The following BCAS3 variants were observed in gnomAD, a reference collection of about 807,000 sequenced individuals.
BCAS3 encodes the protein BCAS4/BCAS3 fusion.
In BCAS3, 53 loss-of-function variants were observed where a neutral mutation model predicts 116.1. The ratio of observed to expected loss-of-function variants is 0.46; its 90% confidence interval spans 0.37 to 0.57. The LOEUF (loss-of-function observed/expected upper bound fraction) is 0.57. Ranked by LOEUF, BCAS3 falls within the 20% of genes least tolerant of loss-of-function variation. The pLI is 0.00. For synonymous variants in BCAS3, 391 were observed against 408.2 expected, an observed-to-expected ratio of 0.96 and a Z score of 0.51; for missense variants, 917 against 1,165.4, an observed-to-expected ratio of 0.79 and a Z score of 3.10.
At chr17:60,807,524 G>A (rs2048386557) in intron 6 of BCAS3, among the ~76,000 whole-genome samples, 1 of 152,198 alleles carries the variant, frequency 6.6e-6, no homozygotes, top group African/African-American at 2.4e-5. Context: ...GCTCTCGCCT[G>A]TAATCCCAGC....
At chr17:61,212,449 G>A (rs1170466299) in intron 22 of BCAS3, among the ~76,000 whole-genome samples, 1 of 151,740 alleles carries the variant, frequency 6.6e-6, no homozygotes. Context: ...ATGTAATAAA[G>A]CATAATTCTT....
intron 10 of BCAS3, among the ~76,000 whole-genome samples, chr17:60,893,053 C>T (rs1292589471): frequency 6.6e-6 from 1 of 151,962 alleles, no homozygotes; most frequent in Non-Finnish European, 1.5e-5. Flanking sequence ...TGGCCATTTA[C>T]ATTCTTTTTG....
intron 22 of BCAS3, among the ~76,000 whole-genome samples, chr17:61,160,181 T>TG (rs2144054163): frequency 1.3e-5 from 1 of 78,040 alleles, no homozygotes; most frequent in African/African-American, 2.7e-5. Context: ...TAAAGCAGGG[T>TG]GGTTTTTTTT....
rs2143647567 is a variant in BCAS3 at position 61,098,997 on chromosome 17, A to G, written c.2425+14433A>G. Among the ~76,000 whole-genome samples the G allele has an allele frequency of 6.6e-6, 1 of 152,156 alleles. No individual in the cohort carries two copies. Among genetic ancestry groups the G allele is most frequent in the East Asian group, 1.9e-4 (1 of 5,164 alleles). ...AAATTAGCCGGGCATGGTGGCGCACACCTGTAGTCCCAGCTACTCAGGAGG... is the reference window on the plus strand; with the variant it reads ...AAATTAGCCGGGCATGGTGGCGCACGCCTGTAGTCCCAGCTACTCAGGAGG... On this transcript the variant is annotated intron_variant, in intron 22 of 23. Coordinates refer to ENST00000407086, the MANE Select transcript of BCAS3 (RefSeq NM_017679.5). The surrounding 1 kb of genome is among the most constrained non-coding windows in gnomAD (Gnocchi z 4.2).
Position 61,368,457 on chromosome 17 carries a change from C to T in BCAS3, c.2556C>T (p.Ala852=), listed in dbSNP as rs530862885. ...GLRERLADAM[A]ESPSRDVVGS... ...GGGAGCGACTTGCCGACGCCATGGC[C>T]GAGTCACCTAGCCGGGACGTCGTGG... The change falls in exon 23 of 24, where the codon GCC becomes GCT. Residue 852 remains alanine (A), a synonymous_variant. Transcript: ENST00000407086. The surrounding 1 kb of genome is among the most constrained non-coding windows in gnomAD (Gnocchi z 6.0). The T allele has an allele frequency of 6.2e-6, 10 of 1,611,480 alleles. No homozygotes were observed. Among genetic ancestry groups the T allele is most frequent in the East Asian group, 2.2e-5 (1 of 44,768 alleles).
At chr17:60,683,907 G>A (rs2033634125) in intron 2 of BCAS3, 75 bp from the exon 3 acceptor site, 1 of 1,230,818 alleles carries the variant, frequency 8.1e-7, no homozygotes, top group Admixed American at 2.0e-5. Context: ...CTTTATTAAG[G>A]CTTGTAAATA....
chr17:61,116,728 T>A (rs1421995187), intron 22 of BCAS3, among the ~76,000 whole-genome samples: 1 of 152,200 alleles, frequency 6.6e-6, no homozygotes, highest in East Asian at 1.9e-4. Flanking sequence ...TGATTTCCCC[T>A]TTATTACTGA....
intron 10 of BCAS3, among the ~76,000 whole-genome samples, chr17:60,901,592 A>G (rs530757788): frequency 3.9e-5 from 6 of 152,328 alleles, no homozygotes; most frequent in African/African-American, 1.4e-4. Flanking sequence ...GACTTTGCAT[A>G]TCATACTTTT....
At position 61,130,087 on chromosome 17, in the gene BCAS3, G is replaced by C. The variant is rs2076250684; in HGVS notation, c.2425+45523G>C. On this transcript the variant is annotated intron_variant, in intron 22 of 23. Coordinates refer to ENST00000407086, the MANE Select transcript of BCAS3 (RefSeq NM_017679.5). This position sits in a 1 kb window ranked among gnomAD's most constrained non-coding sequence, Gnocchi z 5.0. ...AGACAGCTGGCAGGTCCAAGATAGA[G>C]CATATGGATGATGCTCTAATGACAT... Among the ~76,000 whole-genome samples, 1 of 152,166 alleles carries C rather than the reference G, an allele frequency of 6.6e-6. No homozygotes were observed. The highest frequency in any genetic ancestry group is 1.5e-5 in the Non-Finnish European group (1 of 68,040).
At chr17:61,296,184 C>T (rs1032583075) in intron 22 of BCAS3, among the ~76,000 whole-genome samples, 1 of 152,148 alleles carries the variant, frequency 6.6e-6, no homozygotes, top group Non-Finnish European at 1.5e-5. Context: ...TGTCTGTTTC[C>T]ATACTCTCTC....
chr17:61,271,807 G>T (rs992495717), intron 22 of BCAS3, among the ~76,000 whole-genome samples: 1 of 151,756 alleles, frequency 6.6e-6, no homozygotes, highest in African/African-American at 2.4e-5. Flanking sequence ...GAACCATTTG[G>T]GGTTTTTGTT....
chr17:60,928,800 T>C (rs946321677), intron 13 of BCAS3, among the ~76,000 whole-genome samples: 6 of 152,210 alleles, frequency 3.9e-5, no homozygotes, highest in African/African-American at 1.2e-4. Flanking sequence ...AGCCATGGCT[T>C]CTAACCATTA....
At position 60,960,054 on chromosome 17, in the gene BCAS3, C is replaced by T. The variant is rs1228712407; in HGVS notation, c.1221+12702C>T. On this transcript the variant is annotated intron_variant, in intron 14 of 23. Coordinates refer to ENST00000407086, the MANE Select transcript of BCAS3 (RefSeq NM_017679.5). The surrounding 1 kb of genome is among the most constrained non-coding windows in gnomAD (Gnocchi z 4.1). ...AGCCCCTTCTCTTAGGATTTATAAC[C>T]TAATCACTTATTTTGCCAAAGAGTA... 6.6e-6 allele frequency among the ~76,000 whole-genome samples: 1 copy of T among 152,106 alleles called. No individual in the cohort carries two copies. Among genetic ancestry groups the T allele is most frequent in the African/African-American group, 2.4e-5 (1 of 41,436 alleles).
At chr17:60,977,546 C>T (rs1180872044) in intron 14 of BCAS3, among the ~76,000 whole-genome samples, 1 of 151,266 alleles carries the variant, frequency 6.6e-6, no homozygotes, top group Non-Finnish European at 1.5e-5. Flanking sequence ...TACATGTGCA[C>T]AATGTGCAGG....
chr17:60,966,904 TAA>T (rs942893651), intron 14 of BCAS3, among the ~76,000 whole-genome samples: 3 of 152,078 alleles, frequency 2.0e-5, no homozygotes, highest in Admixed American at 6.6e-5. Context: ...ATCTGCCCTC[TAA>T]AAGTGCTGGG....
intron 6 of BCAS3, among the ~76,000 whole-genome samples, chr17:60,762,592 A>T (rs973822042): frequency 2.0e-5 from 3 of 152,008 alleles, no homozygotes; most frequent in Non-Finnish European, 4.4e-5. Context: ...TGCTGTTTTG[A>T]TTACTGTAGC....
chr17:61,314,405 C>A (rs1424565375), intron 22 of BCAS3, among the ~76,000 whole-genome samples: 1 of 152,220 alleles, frequency 6.6e-6, no homozygotes, highest in Admixed American at 6.5e-5. Flanking sequence ...AGAATCCCGC[C>A]CAGCAGGCCT....
intron 14 of BCAS3, among the ~76,000 whole-genome samples, chr17:60,959,465 C>G (rs1458918908): frequency 6.6e-6 from 1 of 152,052 alleles, no homozygotes; most frequent in East Asian, 1.9e-4. Context: ...AGTTGTATGT[C>G]TTATGTCCAC....
At chr17:60,950,521 T>C (rs1031472421) in intron 14 of BCAS3, among the ~76,000 whole-genome samples, 2 of 152,228 alleles carry the variant, frequency 1.3e-5, no homozygotes, top group African/African-American at 4.8e-5. Context: ...AGAGTCTCGC[T>C]GTGTTGCCCA....
Sources: allele counts gnomAD v4.1 joint callset (sites outside exome capture counted in the v4.1 genomes callset), GRCh38; gene constraint gnomAD v4.1.1; non-coding constraint Gnocchi (gnomAD v3.1); transcripts MANE v1.5; gene names NCBI Gene and HGNC (gene_info 2026-07-23, HGNC 2026-07-21).